The following IL1RAPL1 variants were observed in gnomAD, a reference collection of about 807,000 sequenced individuals.
IL1RAPL1 encodes interleukin-1 receptor accessory protein-like 1.
Under a neutral mutation model 48.4 loss-of-function variants are expected in IL1RAPL1, and 3 were observed. The observed-to-expected ratio is 0.06, with a 90% CI of 0.03 to 0.16. The LOEUF (loss-of-function observed/expected upper bound fraction) is 0.16, where lower values mean the gene tolerates loss of function less well. Ranked by LOEUF, IL1RAPL1 falls within the 10% of genes least tolerant of loss-of-function variation. IL1RAPL1 has a pLI of 1.00. For missense variants in IL1RAPL1, 349 were observed against 530.6 expected (o/e 0.66, Z 3.36); for synonymous variants, 185 against 187.7 (o/e 0.99, Z 0.12).
At chrX:29,397,949 C>T (rs1933939568) in intron 4 of IL1RAPL1, among the ~76,000 whole-genome samples, 1 of 111,857 alleles carries the variant, frequency 8.9e-6, no homozygotes, top group African/African-American at 3.2e-5. Flanking sequence ...AGTCCTATTT[C>T]CAACATTGCC....
At chrX:29,839,487 A>G (rs144980385) in intron 6 of IL1RAPL1, among the ~76,000 whole-genome samples, 2,159 of 112,644 alleles carry the variant, frequency 0.019, 51 homozygotes, top group African/African-American at 0.066. Flanking sequence ...TTCCTTAACA[A>G]TTTCATATTA....
chrX:29,076,802 G>GTCTGTCTATCTA lies in IL1RAPL1; in HGVS notation c.83-206133_83-206132insGTCTATCTATCT, dbSNP rs568595100. ...TATCTGTCTGTCTGTCTGTCTGTCT[G>GTCTGTCTATCTA]TCTATCTATCTATCTATCTATCTAT... On this transcript the variant is annotated intron_variant, in intron 2 of 10. Coordinates refer to ENST00000378993, the MANE Select transcript of IL1RAPL1 (RefSeq NM_014271.4). Among the ~76,000 whole-genome samples, 88 of 97,270 alleles carry GTCTGTCTATCTA rather than the reference G, an allele frequency of 9.0e-4. 1 individual carries two copies. The South Asian group carries it at 0.01, about 11-fold the overall frequency. The allele number at this position is 97,270 out of a possible 115,157, so 84.5% of individuals were successfully genotyped here. A position where few individuals can be genotyped will look rare whatever the true frequency, so the allele number is the denominator to read the frequency against.
intron 2 of IL1RAPL1, among the ~76,000 whole-genome samples, chrX:29,089,522 G>C (rs1390701347): frequency 9.5e-6 from 1 of 105,244 alleles, no homozygotes; most frequent in Non-Finnish European, 1.9e-5. Context: ...TGTACCCTTT[G>C]ATATTTCACT....
chrX:29,808,411 C>T (rs1355162483), intron 6 of IL1RAPL1, among the ~76,000 whole-genome samples: 1 of 111,198 alleles, frequency 9.0e-6, no homozygotes, highest in South Asian at 3.7e-4. Flanking sequence ...GTAAATGTTT[C>T]CAATAATACC....
chrX:29,071,232 C>T (rs376566809), intron 2 of IL1RAPL1, among the ~76,000 whole-genome samples: 13 of 111,249 alleles, frequency 1.2e-4, no homozygotes, highest in African/African-American at 4.2e-4. Context: ...TTAACAAAGA[C>T]GAGAATAAAT....
intron 6 of IL1RAPL1, among the ~76,000 whole-genome samples, chrX:29,883,963 G>A (rs1297912672): frequency 8.9e-6 from 1 of 111,878 alleles, no homozygotes; most frequent in Non-Finnish European, 1.9e-5. Context: ...TAAACAAGAT[G>A]GCTCACAGGG....
intron 1 of IL1RAPL1, among the ~76,000 whole-genome samples, chrX:28,704,308 T>G (rs1935337809): frequency 9.3e-6 from 1 of 107,306 alleles, no homozygotes; most frequent in African/African-American, 3.6e-5. Context: ...GAATCATAGT[T>G]TCTTTTCTTT....
chrX:29,675,220 T>C (rs947063656), intron 6 of IL1RAPL1, among the ~76,000 whole-genome samples: 22 of 112,435 alleles, frequency 2.0e-4, no homozygotes, highest in African/African-American at 7.1e-4. Context: ...CTATAACGAA[T>C]TTAAACAAAT....
At chrX:29,758,079 G>A (rs183413842) in intron 6 of IL1RAPL1, among the ~76,000 whole-genome samples, 15 of 111,618 alleles carry the variant, frequency 1.3e-4, no homozygotes, top group Admixed American at 1.1e-3. Flanking sequence ...TATTTTATTT[G>A]CCTATCTCTT....
chrX:28,719,540 T>G (rs1441000590), intron 1 of IL1RAPL1, among the ~76,000 whole-genome samples: 1 of 110,405 alleles, frequency 9.1e-6, no homozygotes, highest in Non-Finnish European at 1.9e-5. Flanking sequence ...TTTTTAAATG[T>G]AAGCTTTGGA....
At chrX:29,073,922 T>G (rs185612885) in intron 2 of IL1RAPL1, among the ~76,000 whole-genome samples, 55 of 111,788 alleles carry the variant, frequency 4.9e-4, no homozygotes, top group African/African-American at 1.7e-3. Context: ...GGAGCTGTGA[T>G]TCAGATCCAA....
intron 1 of IL1RAPL1, among the ~76,000 whole-genome samples, chrX:28,645,555 G>A (rs1008714587): frequency 9.1e-6 from 1 of 109,870 alleles, no homozygotes; most frequent in Admixed American, 9.8e-5. Context: ...TTGGCGATGA[G>A]CAGTCATTGA....
intron 3 of IL1RAPL1, among the ~76,000 whole-genome samples, chrX:29,299,068 A>G (rs752323908): frequency 5.5e-5 from 6 of 109,414 alleles, no homozygotes; most frequent in Non-Finnish European, 1.1e-4. Flanking sequence ...AGAAAAAAAA[A>G]AACACGTGAA....
At position 29,281,599 on chromosome X, in the gene IL1RAPL1, G is replaced by GA. The variant is rs756415295; in HGVS notation, c.83-1333dup. 7.2e-5 allele frequency among the ~76,000 whole-genome samples: 8 copies of GA among 111,281 alleles called. No individual in the cohort carries two copies. In the East Asian group the frequency reaches 2.3e-3, roughly 32 times the overall value. The stretch of plus-strand genomic sequence containing the variant: ...ACTGTTTACCTCTGTCTCTGGCTGG[G>GA]AAAAAACCACTCCCAGAGCTCAACT... On this transcript the variant is annotated intron_variant, in intron 2 of 10. Coordinates refer to ENST00000378993, the MANE Select transcript of IL1RAPL1 (RefSeq NM_014271.4).
intron 1 of IL1RAPL1, among the ~76,000 whole-genome samples, chrX:28,772,933 C>T (rs1240339445): frequency 8.9e-6 from 1 of 111,921 alleles, no homozygotes; most frequent in African/African-American, 3.3e-5. Context: ...TATCTACCTG[C>T]TCCTCACCTT....
chrX:29,572,110 C>T (rs1392008210), intron 5 of IL1RAPL1, among the ~76,000 whole-genome samples: 6 of 111,733 alleles, frequency 5.4e-5, no homozygotes, highest in African/African-American at 2.0e-4. Context: ...TTTTTCGTGT[C>T]TCTAGTTATT....
chrX:28,744,115 C>T lies in IL1RAPL1; in HGVS notation c.-24-45205C>T, dbSNP rs185066263. On this transcript the variant is annotated intron_variant, in intron 1 of 10. Transcript: ENST00000378993. ...CCTTCCTTTCTGTCCTTCCATCTTT[C>T]TTACTTTCATTACAGATTTCCTTTC... Among the ~76,000 whole-genome samples the T allele has an allele frequency of 3.0e-3, 330 of 110,724 alleles. 2 individuals carry two copies. The highest frequency in any genetic ancestry group is 4.8e-3 in the Non-Finnish European group (254 of 52,868).
chrX:29,615,703 AG>A (rs1203302610), intron 5 of IL1RAPL1, among the ~76,000 whole-genome samples: 2 of 112,241 alleles, frequency 1.8e-5, no homozygotes, highest in Non-Finnish European at 3.8e-5. Context: ...TAAAAAAAAA[AG>A]TTTTTCAATC....
intron 1 of IL1RAPL1, among the ~76,000 whole-genome samples, chrX:28,614,807 G>A (rs1237974738): frequency 1.8e-5 from 2 of 111,996 alleles, no homozygotes; most frequent in East Asian, 5.6e-4. Context: ...GAGGATAAGA[G>A]TACTAGAGGC....
Sources: gnomAD v4.1 joint callset for allele counts (sites outside exome capture counted in the v4.1 genomes callset) on GRCh38, gnomAD v4.1.1 for gene constraint, MANE v1.5 for transcripts, NCBI Gene and HGNC (gene_info 2026-07-23, HGNC 2026-07-21) for gene names.